The following PLAUR variants were observed in gnomAD, a reference collection of about 807,000 sequenced individuals.
PLAUR encodes plasminogen activator, urokinase receptor.
Under a neutral mutation model 33.4 loss-of-function variants are expected in PLAUR, and 22 were observed. That is an observed-to-expected ratio of 0.66 (90% confidence interval 0.47 to 0.94). The LOEUF is 0.94. Among genes scored for constraint, PLAUR ranks in the 40% least tolerant of loss-of-function variants. PLAUR has a pLI of 0.00. For missense variants in PLAUR, 408 were observed against 434.7 expected (o/e 0.94, Z 0.55); for synonymous variants, 148 against 167.3 (o/e 0.88, Z 0.89).
At chr19:43,649,947 A>G (rs1488139371) in intron 6 of PLAUR, among the ~76,000 whole-genome samples, 1 of 151,566 alleles carries the variant, frequency 6.6e-6, no homozygotes, top group African/African-American at 2.4e-5. Context: ...GCTGTCTTCT[A>G]TTAAGCTGGA....
At chr19:43,651,996 G>T in intron 6 of PLAUR, 2 of 1,292,326 alleles carry the variant, frequency 1.5e-6, no homozygotes, top group Non-Finnish European at 2.0e-6. Flanking sequence ...GAGAGTACAA[G>T]CTTCAGCCAC....
At chr19:43,668,500 A>C (rs1967368440) in intron 1 of PLAUR, among the ~76,000 whole-genome samples, 1 of 139,472 alleles carries the variant, frequency 7.2e-6, no homozygotes, top group Non-Finnish European at 1.5e-5. Flanking sequence ...TTCGCCCTTT[A>C]GCTCTCCCCG....
intron 6 of PLAUR, among the ~76,000 whole-genome samples, chr19:43,650,387 G>A (rs977483307): frequency 6.7e-6 from 1 of 149,882 alleles, no homozygotes; most frequent in Admixed American, 6.7e-5. Context: ...GTGCAGTGGT[G>A]CAATCTCCGT....
intron 3 of PLAUR, among the ~76,000 whole-genome samples, chr19:43,659,118 T>C (rs1336762546): frequency 6.6e-6 from 1 of 151,856 alleles, no homozygotes; most frequent in Non-Finnish European, 1.5e-5. Context: ...GTGTGAACTC[T>C]TGTAAATGCC....
chr19:43,668,878 GTA>G (rs1967395821), intron 1 of PLAUR, among the ~76,000 whole-genome samples: 1 of 137,386 alleles, frequency 7.3e-6, no homozygotes, highest in South Asian at 2.4e-4. Flanking sequence ...AACCTCTCCC[GTA>G]GCTCTTCCTT....
chr19:43,665,227 G>A, intron 3 of PLAUR, 89 bp downstream of exon 3: 1 of 1,370,018 alleles, frequency 7.3e-7, no homozygotes, highest in Admixed American at 1.7e-5. Context: ...GGGTTCAGCT[G>A]ATGTAAAGTT....
chr19:43,665,488 G>C, intron 2 of PLAUR, 29 bp from the exon 3 acceptor site: 3 of 1,610,914 alleles, frequency 1.9e-6, no homozygotes, highest in Non-Finnish European at 2.5e-6. Flanking sequence ...CATTACCCCA[G>C]AGGCTCCTCT....
rs4251811 is a variant in PLAUR, at chr19:43,668,180, G to A, written c.56-489C>T. 1.5e-3 allele frequency: 1,490 copies of A among 987,524 alleles called. 14 individuals are homozygous for A. The African/African-American group carries it at 0.024, about 16-fold the overall frequency. 61.2% of individuals were successfully genotyped at this position (987,524 alleles called of 1,614,324 possible). ...ACTATCCCTCCACTCACTCCCCCTGGTTCTACCCGGCTCCAGAGCCTCTCC... is the reference window on the plus strand; with the variant it reads ...ACTATCCCTCCACTCACTCCCCCTGATTCTACCCGGCTCCAGAGCCTCTCC... On this transcript the variant is annotated intron_variant, in intron 1 of 6. Transcript: ENST00000340093.
rs373464379 is a variant in PLAUR at position 43,657,389 on chromosome 19, C to T, written c.311-749G>A. Among the ~76,000 whole-genome samples the T allele has an allele frequency of 3.3e-5, 5 of 152,286 alleles. No individual in the cohort carries two copies. The East Asian group carries it at 9.6e-4, about 29-fold the overall frequency. ...CTATCAAATACTGGGGCCTGAGCAC[C>T]TCTCCTGCCTCGTCTCCCTCCACTA... On this transcript the variant is annotated intron_variant, in intron 3 of 6. Transcript: ENST00000340093.
chr19:43,661,889 G>A (rs1245030635), intron 3 of PLAUR, among the ~76,000 whole-genome samples: 1 of 151,656 alleles, frequency 6.6e-6, no homozygotes, highest in Admixed American at 6.6e-5. Flanking sequence ...TTCGGCTTTG[G>A]TTGAGACAGG....
Position 43,649,055 on chromosome 19 carries a change from G to T in PLAUR, c.843C>A (p.Asn281Lys), listed in dbSNP as rs4251921. 7.0e-4 allele frequency: 1,138 copies of T among 1,614,206 alleles called. 8 individuals are homozygous for T. In the African/African-American group the frequency reaches 0.014, roughly 20 times the overall value. ...HAHLGDAFSM[N>K]HIDVSCCTKS... ...TAGTACAGCAGGAGACATCAATGTG[G>T]TTCATGCTGAAGGCGTCACCCAGGT... Residue 281 changes from asparagine (N) to lysine (K), a missense_variant, in exon 7 of 7, where the codon AAC becomes AAA. By Grantham distance (94) the Asn-to-Lys change is moderately conservative (BLOSUM62 0). Coordinates refer to ENST00000340093, the MANE Select transcript of PLAUR (RefSeq NM_002659.4).
In PLAUR at chr19:43,648,765, A is replaced by G; in HGVS notation, c.*125T>C. 1 of 1,103,724 alleles carries G rather than the reference A, an allele frequency of 9.1e-7. No individual in the cohort carries two copies. The highest frequency in any genetic ancestry group is 1.3e-6 in the Non-Finnish European group (1 of 770,090). 68.4% of individuals were successfully genotyped at this position (1,103,724 alleles called of 1,614,324 possible). ...AGATAGCTGTTTTCATAGCTGGGAA[A>G]ACTGAGGCCCAGAGAGGTCGGCACA... On this transcript the variant is annotated 3_prime_UTR_variant, in exon 7 of 7. Coordinates refer to ENST00000340093, the MANE Select transcript of PLAUR (RefSeq NM_002659.4).
intron 5 of PLAUR, among the ~76,000 whole-genome samples, chr19:43,653,844 G>T (rs1156408932): frequency 6.6e-6 from 1 of 151,474 alleles, no homozygotes; most frequent in Non-Finnish European, 1.5e-5. Context: ...AGCTGGGTGC[G>T]GCCGGGCGTG....
At chr19:43,667,386 G>T in intron 2 of PLAUR, 195 bp downstream of exon 2, 1 of 595,854 alleles carries the variant, frequency 1.7e-6, no homozygotes, top group Non-Finnish European at 3.0e-6. Flanking sequence ...CACAGACACG[G>T]TCTGCAACTC....
downstream of PLAUR, among the ~76,000 whole-genome samples, chr19:43,646,788 C>CT (rs71169269): frequency 0.079 from 8,253 of 104,542 alleles, 76 homozygotes; most frequent in African/African-American, 0.096. Context: ...TGGAAGATGT[C>CT]TTTTTTTTTT....
intron 1 of PLAUR, among the ~76,000 whole-genome samples, chr19:43,669,550 G>T (rs186259301): frequency 6.6e-6 from 1 of 152,276 alleles, no homozygotes; most frequent in East Asian, 1.9e-4. Context: ...GGTGGCTCAC[G>T]CCTGTAATCC....
At chr19:43,668,026 C>A (rs1023793949) in intron 1 of PLAUR, 110 of 1,122,484 alleles carry the variant, frequency 9.8e-5, no homozygotes, top group Non-Finnish European at 1.1e-4. Flanking sequence ...ATTCCTGCTC[C>A]TATTAGGTCT....
intron 2 of PLAUR, 38 bp from the exon 3 acceptor site, chr19:43,665,497 C>T (rs1313871343): frequency 1.2e-6 from 2 of 1,608,448 alleles, no homozygotes; most frequent in Non-Finnish European, 8.5e-7. Context: ...AGAGGCTCCT[C>T]TCAGCTCAAC....
At chr19:43,664,916 A>G (rs1411188147) in intron 3 of PLAUR, among the ~76,000 whole-genome samples, 3 of 152,214 alleles carry the variant, frequency 2.0e-5, no homozygotes, top group South Asian at 2.1e-4. Flanking sequence ...TATACATAAC[A>G]ACCATACATA....
Sources: allele counts gnomAD v4.1 joint callset (sites outside exome capture counted in the v4.1 genomes callset), GRCh38; gene constraint gnomAD v4.1.1; transcripts MANE v1.5; gene names NCBI Gene and HGNC (gene_info 2026-07-23, HGNC 2026-07-21).